The following ZIM2 variants were observed in gnomAD, a reference collection of about 807,000 sequenced individuals.
ZIM2 encodes the protein zinc finger imprinted 2, also known as zinc finger protein 656.
ZIM2 carries 14 observed loss-of-function variants against 38.6 expected under a neutral mutation model. The observed-to-expected ratio is 0.36, with a 90% CI of 0.24 to 0.57. The LOEUF (loss-of-function observed/expected upper bound fraction) is 0.57, where lower values mean the gene tolerates loss of function less well. ZIM2 is among the 20% of genes least tolerant of loss of function. The pLI is 0.81. For missense variants in ZIM2, 680 were observed against 695.1 expected, an observed-to-expected ratio of 0.98 and a Z score of 0.24; for synonymous variants, 247 against 245.8, an observed-to-expected ratio of 1.00 and a Z score of -0.04.
intron 9 of ZIM2, chr19:56,813,814 G>A (rs751521035): frequency 6.2e-7 from 1 of 1,614,114 alleles, no homozygotes; most frequent in Non-Finnish European, 8.5e-7. Context: ...GATGTAGCCT[G>A]AGCACTCCCC....
chr19:56,812,066 A>C (rs894764887), intron 9 of ZIM2: 81 of 957,734 alleles, frequency 8.5e-5, no homozygotes, highest in Non-Finnish European at 8.9e-5. Context: ...CCCAGTGGGT[A>C]CTTTAATTTT....
chr19:56,827,379 T>C (rs894525893), intron 2 of ZIM2, among the ~76,000 whole-genome samples: 4 of 151,962 alleles, frequency 2.6e-5, no homozygotes, highest in Non-Finnish European at 4.4e-5. Context: ...ATAGAAGCCA[T>C]TGAAAAATGG....
intron 9 of ZIM2, chr19:56,815,639 C>G (rs769939656): frequency 1.9e-6 from 3 of 1,614,128 alleles, no homozygotes; most frequent in Non-Finnish European, 2.5e-6. Flanking sequence ...TTAGCACGAG[C>G]CTTCTGGTAT....
intron 9 of ZIM2, among the ~76,000 whole-genome samples, chr19:56,808,544 C>CT (rs1483632841): frequency 2.0e-5 from 3 of 152,116 alleles, no homozygotes; most frequent in Non-Finnish European, 4.4e-5. Context: ...AATCTGCTGT[C>CT]TGGCTGGTGG....
At chr19:56,824,840 T>C in intron 3 of ZIM2, 3 of 590,688 alleles carry the variant, frequency 5.1e-6, no homozygotes, top group Admixed American at 3.0e-5. Context: ...TTTTGGGATA[T>C]GGGAGTCCCC....
intron 9 of ZIM2, chr19:56,816,177 G>A (rs1266391821): frequency 2.5e-6 from 4 of 1,613,960 alleles, no homozygotes; most frequent in Non-Finnish European, 3.4e-6. Context: ...TTTCATAGGG[G>A]TTAGAGCTAA....
intron 2 of ZIM2, chr19:56,833,170 C>T (rs1294388713): frequency 1.9e-6 from 1 of 517,344 alleles, no homozygotes; most frequent in African/African-American, 1.9e-5. Context: ...CTCAGGCTCC[C>T]ACATCCCATC....
chr19:56,782,258 A>G, intron 10 of ZIM2, 137 bp from the exon 11 acceptor site: 1 of 1,191,540 alleles, frequency 8.4e-7, no homozygotes, highest in Admixed American at 2.6e-5. Context: ...TGTCTTATCG[A>G]GTCTGAGAGA....
intron 2 of ZIM2, chr19:56,833,832 A>G (rs1893758584): frequency 6.5e-6 from 1 of 152,730 alleles, no homozygotes; most frequent in African/African-American, 2.4e-5. Flanking sequence ...CAAGGAGTAA[A>G]TGACCACCAA....
intron 7 of ZIM2, 28 bp from the exon 8 acceptor site, chr19:56,818,730 T>C (rs2060206594): frequency 6.2e-7 from 1 of 1,603,918 alleles, no homozygotes; most frequent in Admixed American, 1.7e-5. Context: ...GACCTCTCAA[T>C]GGAGTCTGTC....
At chr19:56,836,995 A>G (rs2146666674) in intron 1 of ZIM2, among the ~76,000 whole-genome samples, 1 of 95,700 alleles carries the variant, frequency 1.0e-5, no homozygotes, top group South Asian at 3.8e-4. Flanking sequence ...AAAAAAAAAA[A>G]AAAAAAAATT....
At chr19:56,819,970 C>A (rs1202818018) in intron 7 of ZIM2, among the ~76,000 whole-genome samples, 1 of 152,112 alleles carries the variant, frequency 6.6e-6, no homozygotes, top group Non-Finnish European at 1.5e-5. Context: ...GCAGAAACAA[C>A]AACAAAAACT....
At chr19:56,818,411 G>A (rs555653330) in intron 8 of ZIM2, among the ~76,000 whole-genome samples, 189 bp downstream of exon 8, 62 of 152,304 alleles carry the variant, frequency 4.1e-4, no homozygotes, top group Non-Finnish European at 6.8e-4. Context: ...TTTACCCAAA[G>A]CCAGAGGCAT....
chr19:56,781,852 C>G, intron 11 of ZIM2, 101 bp downstream of exon 11: 1 of 1,453,038 alleles, frequency 6.9e-7, no homozygotes, highest in Non-Finnish European at 9.3e-7. Flanking sequence ...TTGAGACTCA[C>G]TGACATGGTG....
At chr19:56,796,615 C>G (rs746727228) in intron 9 of ZIM2, among the ~76,000 whole-genome samples, 7 of 152,298 alleles carry the variant, frequency 4.6e-5, no homozygotes, top group Middle Eastern at 3.4e-3. Context: ...GCTGCTCACC[C>G]ATGGACAACT....
At chr19:56,809,647 C>G (rs1190209014) in intron 9 of ZIM2, among the ~76,000 whole-genome samples, 2 of 152,132 alleles carry the variant, frequency 1.3e-5, no homozygotes, top group Non-Finnish European at 2.9e-5. Context: ...AGAGATGACC[C>G]ACTCAGGATA....
intron 2 of ZIM2, among the ~76,000 whole-genome samples, chr19:56,830,050 A>G (rs1490553087): frequency 6.6e-6 from 1 of 152,252 alleles, no homozygotes; most frequent in Non-Finnish European, 1.5e-5. Context: ...TAAACGGGCC[A>G]TCAATAAAAA....
At chr19:56,792,644 C>T (rs990241104) in intron 9 of ZIM2, among the ~76,000 whole-genome samples, 76 of 150,526 alleles carry the variant, frequency 5.0e-4, no homozygotes, top group African/African-American at 1.6e-3. Context: ...ACAATAAACA[C>T]GGAAAATTCC....
chr19:56,839,549 C>T (rs944349527), intron 1 of ZIM2, among the ~76,000 whole-genome samples: 5 of 151,704 alleles, frequency 3.3e-5, no homozygotes, highest in Admixed American at 6.6e-5. Context: ...TCAAACATGG[C>T]GTCAAAGCGG....
Sources: allele counts gnomAD v4.1 joint callset (sites outside exome capture counted in the v4.1 genomes callset), GRCh38; gene constraint gnomAD v4.1.1; transcripts MANE v1.5; gene names NCBI Gene and HGNC (gene_info 2026-07-23, HGNC 2026-07-21).